PPP1R14C: variants seen among roughly 807,000 people sequenced by gnomAD.
The protein encoded by PPP1R14C is protein phosphatase 1 regulatory subunit 14C.
PPP1R14C carries 16 observed loss-of-function variants against 20.4 expected under a neutral mutation model. That is an observed-to-expected ratio of 0.78 (90% CI 0.53 to 1.19). The LOEUF (loss-of-function observed/expected upper bound fraction) is 1.19, where lower values mean the gene tolerates loss of function less well. Ranked by LOEUF, PPP1R14C falls within the 50% of genes most tolerant of loss-of-function variation. The pLI is 0.00. For missense variants in PPP1R14C, 211 were observed against 220.1 expected (o/e 0.96, Z 0.26); for synonymous variants, 91 against 91.0 (o/e 1.00, Z 0.00).
chr6:150,223,061 G>C (rs918451864), intron 3 of PPP1R14C, among the ~76,000 whole-genome samples: 1 of 152,106 alleles, frequency 6.6e-6, no homozygotes, highest in Non-Finnish European at 1.5e-5. Context: ...TAGCCACCAT[G>C]CCCAGCCCAA....
chr6:150,204,124 C>T (rs2281438), intron 1 of PPP1R14C, among the ~76,000 whole-genome samples: 78,809 of 152,118 alleles, frequency 0.52, 21,160 homozygotes, highest in Admixed American at 0.6. Context: ...GTGGCGGCCG[C>T]CTGGCCACTG....
intron 1 of PPP1R14C, among the ~76,000 whole-genome samples, chr6:150,186,114 G>A (rs1399251095): frequency 6.6e-6 from 1 of 152,112 alleles, no homozygotes; most frequent in Non-Finnish European, 1.5e-5. Context: ...AATGGAGTGG[G>A]GCCCCACTGT....
chr6:150,220,129 A>C (rs1778148755), intron 3 of PPP1R14C, among the ~76,000 whole-genome samples: 1 of 152,302 alleles, frequency 6.6e-6, no homozygotes, highest in South Asian at 2.1e-4. Flanking sequence ...TGCTGGGATT[A>C]TAAGCAAGAG....
At chr6:150,244,950 T>G (rs1217260747) in intron 3 of PPP1R14C, among the ~76,000 whole-genome samples, 1 of 152,184 alleles carries the variant, frequency 6.6e-6, no homozygotes, top group Admixed American at 6.5e-5. Context: ...TGTTAATGTT[T>G]TCAACCATGA....
At chr6:150,156,574 C>A (rs1402923423) in intron 1 of PPP1R14C, among the ~76,000 whole-genome samples, 4 of 152,280 alleles carry the variant, frequency 2.6e-5, no homozygotes, top group Non-Finnish European at 4.4e-5. Context: ...GCAGAGATAG[C>A]TTTTCTGTTT....
chr6:150,143,352 G>A lies in PPP1R14C; in HGVS notation c.160G>A (p.Ala54Thr), dbSNP rs766083564. 7.0e-5 allele frequency: 113 copies of A among 1,604,412 alleles called. No individual in the cohort carries two copies. In the Middle Eastern group the frequency reaches 1.3e-3, roughly 19 times the overall value. Residue 54 changes from alanine (A) to threonine (T), a missense_variant, in exon 1 of 4, where the codon GCC (alanine) becomes ACC (threonine). Ala to Thr is a moderately conservative substitution (Grantham distance 58). Transcript: ENST00000361131. This position sits in a 1 kb window ranked among gnomAD's most constrained non-coding sequence, Gnocchi z 5.6. ...GGACTCGGCGCCCGTGGCCACGGCG[G>A]CCGCTGCAGGGCAGGTTCAGCAGCA... ...REDSAPVATA[A>T]AAGQVQQQQQ...
At chr6:150,222,345 A>G (rs914278161) in intron 3 of PPP1R14C, among the ~76,000 whole-genome samples, 1 of 152,190 alleles carries the variant, frequency 6.6e-6, no homozygotes, top group African/African-American at 2.4e-5. Context: ...ACAGATTTCC[A>G]ATATGCTCAC....
intron 1 of PPP1R14C, among the ~76,000 whole-genome samples, chr6:150,145,393 G>A (rs1430591423): frequency 6.6e-6 from 1 of 152,196 alleles, no homozygotes; most frequent in African/African-American, 2.4e-5. Context: ...CTGCCTGCAT[G>A]TCATTAACGT....
chr6:150,248,628 A>T lies in PPP1R14C; in HGVS notation c.424-118A>T, dbSNP rs942450380. 3 of 655,288 alleles carry T rather than the reference A, an allele frequency of 4.6e-6. No homozygotes were observed. In the African/African-American group the frequency reaches 5.4e-5, roughly 12 times the overall value. The allele number at this position is 655,288 out of a possible 1,614,324, so 40.6% of individuals were successfully genotyped here. A position where few individuals can be genotyped will look rare whatever the true frequency, so the allele number is the denominator to read the frequency against. ...GTATTATACCAGTGGGGGTTAACAC[A>T]TTCAACCAAATTCATCAACTAAGGT... On this transcript the variant is annotated intron_variant, in intron 3 of 3. Coordinates refer to ENST00000361131, the MANE Select transcript of PPP1R14C (RefSeq NM_030949.3).
chr6:150,197,667 C>T (rs1469636100), intron 1 of PPP1R14C, among the ~76,000 whole-genome samples: 2 of 151,350 alleles, frequency 1.3e-5, no homozygotes, highest in Non-Finnish European at 3.0e-5. Context: ...ACATCTGTGT[C>T]CCTGCCCGCC....
chr6:150,182,115 C>T (rs921198035), intron 1 of PPP1R14C, among the ~76,000 whole-genome samples: 6 of 139,160 alleles, frequency 4.3e-5, no homozygotes, highest in African/African-American at 1.7e-4. Flanking sequence ...CAGCCATTTT[C>T]ATGAAATTGG....
chr6:150,233,045 A>G (rs1227141237), intron 3 of PPP1R14C, among the ~76,000 whole-genome samples: 1 of 151,292 alleles, frequency 6.6e-6, no homozygotes, highest in Non-Finnish European at 1.5e-5. Context: ...TGATCTGCCC[A>G]TGGGACATCT....
chr6:150,189,915 T>TC (rs1554219206), intron 1 of PPP1R14C, among the ~76,000 whole-genome samples: 1 of 151,958 alleles, frequency 6.6e-6, no homozygotes, highest in East Asian at 1.9e-4. Flanking sequence ...CATAAATCTG[T>TC]CCCCCAACCC....
intron 1 of PPP1R14C, among the ~76,000 whole-genome samples, chr6:150,167,782 C>A (rs914071782): frequency 1.3e-5 from 2 of 152,056 alleles, no homozygotes; most frequent in Non-Finnish European, 2.9e-5. Context: ...GTGACCTGAG[C>A]CATTCAGACC....
rs140299196 is a variant in PPP1R14C at position 150,230,638 on chromosome 6, G to A, written c.423+13782G>A. ...CTGGGCACCCTTTATTAGAGCTTGC[G>A]TAATGTATACAATCACTGCCATTGG... On this transcript the variant is annotated intron_variant, in intron 3 of 3. Coordinates refer to ENST00000361131, the MANE Select transcript of PPP1R14C (RefSeq NM_030949.3). Among the ~76,000 whole-genome samples the A allele has an allele frequency of 8.8e-4, 134 of 152,302 alleles. 1 individual carries two copies. The highest frequency in any genetic ancestry group is 2.9e-3 in the African/African-American group (121 of 41,560).
intron 1 of PPP1R14C, among the ~76,000 whole-genome samples, chr6:150,192,506 T>C (rs12211587): frequency 0.19 from 29,088 of 152,092 alleles, 3,105 homozygotes; most frequent in South Asian, 0.35. Flanking sequence ...AATGCTTTCT[T>C]GCCCATGTTC....
chr6:150,245,876 C>T (rs775085695), intron 3 of PPP1R14C, among the ~76,000 whole-genome samples: 33 of 152,110 alleles, frequency 2.2e-4, no homozygotes, highest in Non-Finnish European at 4.0e-4. Context: ...TTAACTTACT[C>T]GACTGAGCAC....
intron 1 of PPP1R14C, among the ~76,000 whole-genome samples, chr6:150,160,253 ATTC>A (rs1777349656): frequency 5.1e-5 from 6 of 117,112 alleles, no homozygotes; most frequent in African/African-American, 6.8e-5. Flanking sequence ...TGTGTAGCTC[ATTC>A]TTTTTTTTTT....
intron 1 of PPP1R14C, among the ~76,000 whole-genome samples, chr6:150,160,405 C>A (rs551790256): frequency 4.2e-4 from 64 of 150,774 alleles, no homozygotes; most frequent in Non-Finnish European, 8.4e-4. Context: ...GCTGGGACTG[C>A]AGGTGCCGAC....
Sources: allele counts gnomAD v4.1 joint callset (sites outside exome capture counted in the v4.1 genomes callset), GRCh38; gene constraint gnomAD v4.1.1; non-coding constraint Gnocchi (gnomAD v3.1); transcripts MANE v1.5; gene names NCBI Gene and HGNC (gene_info 2026-07-23, HGNC 2026-07-21).